Variants in PARP4 observed in about 807,000 individuals in gnomAD.
The protein encoded by PARP4 is protein mono-ADP-ribosyltransferase PARP4.
In PARP4, 120 loss-of-function variants were observed where a neutral mutation model predicts 187.7. The ratio of observed to expected loss-of-function variants is 0.64; its 90% confidence interval spans 0.55 to 0.74. The LOEUF is 0.74. PARP4 is among the 30% of genes least tolerant of loss of function. The pLI, the probability that PARP4 is intolerant of heterozygous loss-of-function variation, is 0.00. For synonymous variants in PARP4, 654 were observed against 740.9 expected (o/e 0.88, Z 1.90); for missense variants, 1,836 against 2,070.5 (o/e 0.89, Z 2.20).
chr13:24,429,057 C>T (rs567618135), intron 32 of PARP4, among the ~76,000 whole-genome samples: 11 of 151,920 alleles, frequency 7.2e-5, no homozygotes, highest in Admixed American at 1.3e-4. Context: ...TTATTGAGTG[C>T]ATTGTCAATC....
At chr13:24,477,888 A>G in intron 13 of PARP4, 31 bp from the exon 14 acceptor site, 1 of 1,500,114 alleles carries the variant, frequency 6.7e-7, no homozygotes, top group Non-Finnish European at 9.0e-7. Flanking sequence ...TAGGTGATTA[A>G]CAACAGAAGC....
chr13:24,468,889 C>T (rs1401948920), intron 17 of PARP4, 135 bp downstream of exon 17: 2 of 666,382 alleles, frequency 3.0e-6, no homozygotes, highest in Non-Finnish European at 5.2e-6. Flanking sequence ...CTTCCCCTTA[C>T]TCAGACCAAG....
chr13:24,508,276 G>A (rs538760560), intron 1 of PARP4, among the ~76,000 whole-genome samples: 1 of 152,264 alleles, frequency 6.6e-6, no homozygotes, highest in South Asian at 2.1e-4. Context: ...GCTGACCAAG[G>A]TTGGCTGACA....
chr13:24,456,264 A>G, intron 21 of PARP4, 77 bp downstream of exon 21: 1 of 1,159,922 alleles, frequency 8.6e-7, no homozygotes, highest in Non-Finnish European at 1.2e-6. Flanking sequence ...GACAATCAAT[A>G]ATTTGCAAGT....
Position 24,477,718 on chromosome 13 carries a change from T to C in PARP4, c.1772A>G (p.Asn591Ser). ...ELEEYRPEFS[N>S]FSKVEDYQLP... ...TGTCCTACCTTCAACCTTTGAAAAA[T>C]TTGAAAACTCAGGTCTGTATTCCTC... The change falls in exon 14 of 34, where the codon AAT becomes AGT. Residue 591 changes from asparagine to serine, a missense_variant. Physicochemically the swap from Asn to Ser is conservative, Grantham distance 46. This residue lies in a region of PARP4 where 1,147 missense variants were observed against 1,214.2 expected (regional missense o/e 0.94). Coordinates refer to ENST00000381989, the MANE Select transcript of PARP4 (RefSeq NM_006437.4). 4.4e-6 allele frequency: 7 copies of C among 1,584,248 alleles called. No homozygotes were observed. Among genetic ancestry groups the C allele is most frequent in the South Asian group, 1.2e-5 (1 of 86,144 alleles).
chr13:24,493,824 G>A (rs1868798683), intron 7 of PARP4, 91 bp from the exon 8 acceptor site: 2 of 1,265,646 alleles, frequency 1.6e-6, no homozygotes, highest in Non-Finnish European at 1.1e-6. Flanking sequence ...GGTGTGAGGA[G>A]AAATAATTGA....
At chr13:24,473,642 T>C (rs908000081) in intron 15 of PARP4, among the ~76,000 whole-genome samples, 1 of 152,136 alleles carries the variant, frequency 6.6e-6, no homozygotes, top group African/African-American at 2.4e-5. Flanking sequence ...TCAACCCCAC[T>C]TCTCTTCAGC....
Position 24,484,699 on chromosome 13 carries a change from C to T in PARP4, c.1402G>A (p.Asp468Asn), listed in dbSNP as rs1446537336. 6.2e-7 allele frequency: 1 copy of T among 1,612,514 alleles called. No individual in the cohort carries two copies. Among genetic ancestry groups the T allele is most frequent in the Non-Finnish European group, 8.5e-7 (1 of 1,178,596 alleles). The change falls in exon 12 of 34, where the codon GAC becomes AAC. Residue 468 changes from aspartate to asparagine, a missense_variant. Asp to Asn is a conservative substitution (Grantham distance 23, BLOSUM62 1). Around this residue, in one of 8 missense-constraint regions of PARP4, gnomAD observed 1,147 missense variants for 1,214.2 expected, o/e 0.94. Transcript: ENST00000381989. ...ATCCCACTTCCAAGGTTTCCGACGT[C>T]TGTTCTTTGCACACCACGATCTTCC... ...VVEDRGVQRTDVGNLGSGIYF... is the reference protein window; with the variant it reads ...VVEDRGVQRTNVGNLGSGIYF...
At position 24,431,453 on chromosome 13, in the gene PARP4, T is replaced by C. The variant is rs1198394935; in HGVS notation, c.4770A>G (p.Pro1590=). Residue 1590 remains proline (P), a synonymous_variant, in exon 32 of 34, where the codon CCA becomes CCG. Coordinates refer to ENST00000381989, the MANE Select transcript of PARP4 (RefSeq NM_006437.4). Reference sequence around the variant, plus strand: ...TAAGATTTAATATAAGTCCCAGTTCTGGTGTAAGTTTCCAGAAGCCATCCT... The same window carrying C: ...TAAGATTTAATATAAGTCCCAGTTCCGGTGTAAGTTTCCAGAAGCCATCCT... The part of the protein sequence containing the change: ...QTEDGFWKLT[P]ELGLILNLNT... 4 of 1,591,012 alleles carry C rather than the reference T, an allele frequency of 2.5e-6. No homozygotes were observed. The highest frequency in any genetic ancestry group is 3.4e-6 in the Non-Finnish European group (4 of 1,172,080).
rs756137188 is a variant in PARP4, at chr13:24,498,229, C to A, written c.478G>T (p.Val160Leu). ...EVAKYNTLEK[V>L]GMEGGQEAVV... ...GCTTCCTGGCCTCCCTCCATTCCCA[C>A]CTGGAAAACAGGATGTGCTTTCAGA... is the stretch of plus-strand genomic sequence containing the variant. Residue 160 changes from valine (V) to leucine (L), a missense_variant and splice_region_variant, in exon 6 of 34, where the codon GTG becomes TTG. Coordinates refer to ENST00000381989, the MANE Select transcript of PARP4 (RefSeq NM_006437.4). The A allele has an allele frequency of 1.2e-6, 2 of 1,608,938 alleles. No individual in the cohort carries two copies. The highest frequency in any genetic ancestry group is 1.7e-6 in the Non-Finnish European group (2 of 1,176,586).
intron 1 of PARP4, among the ~76,000 whole-genome samples, chr13:24,508,543 C>T (rs1039240524): frequency 3.3e-5 from 5 of 152,182 alleles, no homozygotes; most frequent in Non-Finnish European, 5.9e-5. Context: ...GAGACAGTCT[C>T]GCTTTTGTCA....
At chr13:24,502,047 A>G (rs1032659775) in intron 2 of PARP4, among the ~76,000 whole-genome samples, 3 of 152,236 alleles carry the variant, frequency 2.0e-5, no homozygotes, top group African/African-American at 7.2e-5. Context: ...CGAATGCACC[A>G]TAATTGATTA....
intron 15 of PARP4, among the ~76,000 whole-genome samples, chr13:24,472,015 C>T (rs1311650445): frequency 6.6e-6 from 1 of 152,138 alleles, no homozygotes; most frequent in Non-Finnish European, 1.5e-5. Flanking sequence ...ACTCCGGATC[C>T]TTTGCTTTGT....
chr13:24,466,587 C>T (rs12874527), intron 17 of PARP4, among the ~76,000 whole-genome samples: 44,064 of 151,648 alleles, frequency 0.29, 7,199 homozygotes, highest in South Asian at 0.46. Context: ...TTGAGGTTAG[C>T]GGTTTGAGAC....
At chr13:24,432,418 G>A (rs1387812237) in intron 31 of PARP4, among the ~76,000 whole-genome samples, 5 of 152,048 alleles carry the variant, frequency 3.3e-5, no homozygotes, top group African/African-American at 7.2e-5. Flanking sequence ...AACATTTAAC[G>A]TATACAACTT....
At chr13:24,459,927 C>G (rs749295933) in intron 18 of PARP4, 45 bp downstream of exon 18, 17 of 1,569,848 alleles carry the variant, frequency 1.1e-5, no homozygotes, top group Admixed American at 1.8e-5. Flanking sequence ...ACCACTCCCC[C>G]TCCACTGCTG....
At chr13:24,453,183 G>A (rs576776563) in intron 23 of PARP4, among the ~76,000 whole-genome samples, 6 of 152,022 alleles carry the variant, frequency 3.9e-5, no homozygotes, top group South Asian at 4.2e-4. Context: ...TGATCCACCC[G>A]CCCTGGCCTC....
intron 31 of PARP4, among the ~76,000 whole-genome samples, chr13:24,432,417 C>T (rs1405504139): frequency 1.3e-5 from 2 of 152,254 alleles, no homozygotes; most frequent in East Asian, 1.9e-4. Flanking sequence ...CAACATTTAA[C>T]GTATACAACT....
At chr13:24,488,148 T>C (rs1429968777) in intron 10 of PARP4, among the ~76,000 whole-genome samples, 1 of 152,140 alleles carries the variant, frequency 6.6e-6, no homozygotes, top group Non-Finnish European at 1.5e-5. Context: ...CTTGCTCAGG[T>C]AGCCCTGGAG....
Sources: gnomAD v4.1 joint callset for allele counts (sites outside exome capture counted in the v4.1 genomes callset) on GRCh38, gnomAD v4.1.1 for gene constraint, gnomAD v4.1.1 regional missense constraint, MANE v1.5 for transcripts, NCBI Gene and HGNC (gene_info 2026-07-23, HGNC 2026-07-21) for gene names.